Variants in TPGS1 observed in about 807,000 individuals in gnomAD.
TPGS1 encodes tubulin polyglutamylase complex subunit 1.
In TPGS1, 18 loss-of-function variants were observed where a neutral mutation model predicts 11.9. The ratio of observed to expected loss-of-function variants is 1.51; its 90% confidence interval spans 1.04 to 2.24. The LOEUF (loss-of-function observed/expected upper bound fraction) is 2.24. Ranked by LOEUF, TPGS1 falls within the 30% of genes most tolerant of loss-of-function variation. The pLI, the probability that TPGS1 is intolerant of heterozygous loss-of-function variation, is 0.00. For synonymous variants in TPGS1, 247 were observed against 218.2 expected (o/e 1.13, Z -1.16); for missense variants, 500 against 443.0 (o/e 1.13, Z -1.16).
intron 1 of TPGS1, among the ~76,000 whole-genome samples, chr19:515,125 G>A (rs1314204711): frequency 3.3e-5 from 5 of 152,234 alleles, no homozygotes; most frequent in African/African-American, 1.2e-4. Flanking sequence ...CAGGCCACAT[G>A]TCAGCGGACT....
At chr19:507,969 C>G in intron 1 of TPGS1, 125 bp downstream of exon 1, 1 of 734,642 alleles carries the variant, frequency 1.4e-6, no homozygotes, top group Non-Finnish European at 1.9e-6. Context: ...TTGTAGTGCG[C>G]GATGCCTTCT....
chr19:510,339 C>CCGCAG (rs1978755899), intron 1 of TPGS1: 1 of 152,192 alleles, frequency 6.6e-6, no homozygotes, highest in African/African-American at 2.4e-5. Flanking sequence ...CGCCACTGCA[C>CCGCAG]TCCAGCCTGG....
At chr19:512,347 G>A (rs181347370) in intron 1 of TPGS1, among the ~76,000 whole-genome samples, 2 of 152,126 alleles carry the variant, frequency 1.3e-5, no homozygotes, top group South Asian at 2.1e-4. Flanking sequence ...AATTTTTGTA[G>A]AGACAGGATC....
intron 1 of TPGS1, among the ~76,000 whole-genome samples, chr19:515,738 A>G (rs1339711115): frequency 1.3e-5 from 2 of 151,466 alleles, no homozygotes; most frequent in East Asian, 1.9e-4. Context: ...CACTGTCTCA[A>G]AAAAAGAAAG....
At position 519,393 on chromosome 19, in the gene TPGS1, C is replaced by T. The variant is rs1338095070; in HGVS notation, c.843C>T (p.Leu281=). The T allele has an allele frequency of 5.7e-6, 7 of 1,228,190 alleles. No individual in the cohort carries two copies. In the East Asian group the frequency reaches 2.4e-4, roughly 42 times the overall value. The allele number at this position is 1,228,190 out of a possible 1,614,324, so 76.1% of individuals were successfully genotyped here. ...REEFLERAAA[L]FIAKVKPVG The stretch of plus-strand genomic sequence containing the variant: ...AGTTTCTGGAGAGGGCCGCCGCGCT[C>T]TTCATCGCGAAGGTCAAGCCGGTGG... The change falls in exon 2 of 2, where the codon CTC becomes CTT. Residue 281 remains leucine (L), a synonymous_variant. Coordinates refer to ENST00000359315, the MANE Select transcript of TPGS1 (RefSeq NM_033513.3).
chr19:516,007 G>A (rs899769463), intron 1 of TPGS1, among the ~76,000 whole-genome samples: 6 of 151,096 alleles, frequency 4.0e-5, no homozygotes, highest in African/African-American at 7.3e-5. Context: ...ACTCCAGCCC[G>A]GGCGACAGAG....
intron 1 of TPGS1, among the ~76,000 whole-genome samples, chr19:514,067 C>A (rs1428948772): frequency 1.3e-5 from 2 of 151,892 alleles, no homozygotes; most frequent in Non-Finnish European, 2.9e-5. Flanking sequence ...TGCACACTGG[C>A]CCCACATTTG....
In TPGS1 at chr19:519,546, G is replaced by A. The variant is rs1979086922; in HGVS notation, c.*123G>A. 3 of 966,304 alleles carry A rather than the reference G, an allele frequency of 3.1e-6. No homozygotes were observed. The highest frequency in any genetic ancestry group is 3.9e-6 in the Non-Finnish European group (3 of 766,832). The allele number at this position is 966,304 out of a possible 1,614,324, so 59.9% of individuals were successfully genotyped here. A position where few individuals can be genotyped will look rare whatever the true frequency, so the allele number is the denominator to read the frequency against. On this transcript the variant is annotated 3_prime_UTR_variant, in exon 2 of 2. Coordinates refer to ENST00000359315, the MANE Select transcript of TPGS1 (RefSeq NM_033513.3). The stretch of plus-strand genomic sequence containing the variant: ...CCAGGCGCCCAGCCCTGCGGAGGAG[G>A]CCGGGGCTCCCAGGAAGCGGACGCC...
intron 1 of TPGS1, among the ~76,000 whole-genome samples, chr19:512,986 C>T (rs1255752440): frequency 6.6e-6 from 1 of 152,198 alleles, no homozygotes; most frequent in Non-Finnish European, 1.5e-5. Flanking sequence ...CGTCGAGCCC[C>T]GGGGGAGTGT....
In TPGS1 at chr19:519,552, G is replaced by C. The variant is rs1355917033; in HGVS notation, c.*129G>C. ...GCCCAGCCCTGCGGAGGAGGCCGGG[G>C]CTCCCAGGAAGCGGACGCCCGGTCC... is the stretch of plus-strand genomic sequence containing the variant. On this transcript the variant is annotated 3_prime_UTR_variant, in exon 2 of 2. Transcript: ENST00000359315. The C allele has an allele frequency of 3.2e-6, 3 of 931,332 alleles. No individual in the cohort carries two copies. The highest frequency in any genetic ancestry group is 4.1e-6 in the Non-Finnish European group (3 of 734,584). The allele number at this position is 931,332 out of a possible 1,614,324, so 57.7% of individuals were successfully genotyped here.
chr19:508,812 G>A (rs1251569744), intron 1 of TPGS1: 1 of 152,394 alleles, frequency 6.6e-6, no homozygotes, highest in East Asian at 1.9e-4. Flanking sequence ...ACCACGTTCA[G>A]GGTGCACAGG....
At chr19:514,704 C>T (rs545862411) in intron 1 of TPGS1, among the ~76,000 whole-genome samples, 1 of 152,368 alleles carries the variant, frequency 6.6e-6, no homozygotes, top group Admixed American at 6.5e-5. Context: ...GCCACTTCCT[C>T]TCTGGGACCC....
chr19:516,243 C>T (rs1978950469), intron 1 of TPGS1, among the ~76,000 whole-genome samples: 1 of 152,132 alleles, frequency 6.6e-6, no homozygotes, highest in Non-Finnish European at 1.5e-5. Flanking sequence ...CTCAGCTGGA[C>T]ATACATCCAG....
At chr19:511,151 CAG>C (rs1458006105) in intron 1 of TPGS1, among the ~76,000 whole-genome samples, 1 of 152,260 alleles carries the variant, frequency 6.6e-6, no homozygotes, top group Non-Finnish European at 1.5e-5. Flanking sequence ...ATTTTGCAAT[CAG>C]GGAAACCAAG....
At chr19:518,611 CCCGGGCTGGGGATGCTTG>C (rs1221054315) in intron 1 of TPGS1, among the ~76,000 whole-genome samples, 6 of 114,146 alleles carry the variant, frequency 5.3e-5, no homozygotes, top group African/African-American at 2.2e-4. Flanking sequence ...GGAGGAGAGG[CCCGGGCTGGGGATGCTTG>C]GGGGAGGAGA....
chr19:513,665 T>TGAGCACCTACTGCACACC, intron 1 of TPGS1, among the ~76,000 whole-genome samples: 1 of 36,802 alleles, frequency 2.7e-5, no homozygotes, highest in African/African-American at 1.4e-4. Context: ...TACTGCATAC[T>TGAGCACCTACTGCACACC]GGCCCTGCAT....
chr19:511,353 G>C (rs958263666), intron 1 of TPGS1, among the ~76,000 whole-genome samples: 1 of 152,260 alleles, frequency 6.6e-6, no homozygotes, highest in Non-Finnish European at 1.5e-5. Flanking sequence ...GTCTCCTGCC[G>C]TCATCATGGC....
rs533690755 is a variant in TPGS1, at chr19:512,393, A to G, written c.338+4549A>G. 3.4e-4 allele frequency among the ~76,000 whole-genome samples: 51 copies of G among 149,862 alleles called. No individual in the cohort carries two copies. The South Asian group carries it at 7.5e-3, about 22-fold the overall frequency. Reference sequence around the variant, plus strand: ...GCCCAGGCTGGTTTCGAACTCCTGGACTCAAGCAATCCTCCTGCCTCGGCC... The same window carrying G: ...GCCCAGGCTGGTTTCGAACTCCTGGGCTCAAGCAATCCTCCTGCCTCGGCC... On this transcript the variant is annotated intron_variant, in intron 1 of 1. Transcript: ENST00000359315.
intron 1 of TPGS1, 69 bp downstream of exon 1, chr19:507,913 C>T (rs950708716): frequency 1.6e-6 from 2 of 1,214,454 alleles, no homozygotes; most frequent in Admixed American, 4.2e-5. Flanking sequence ...CCGCGCGCGG[C>T]TCCCTACCCG....
Sources: gnomAD v4.1 joint callset for allele counts (sites outside exome capture counted in the v4.1 genomes callset) on GRCh38, gnomAD v4.1.1 for gene constraint, MANE v1.5 for transcripts, NCBI Gene and HGNC (gene_info 2026-07-23, HGNC 2026-07-21) for gene names.